Variants in ST3GAL4 observed in about 807,000 individuals in gnomAD.
ST3GAL4 encodes the protein ST3 beta-galactoside alpha-2,3-sialyltransferase 4.
ST3GAL4 carries 24 observed loss-of-function variants against 42.6 expected under a neutral mutation model. That is an observed-to-expected ratio of 0.56 (90% CI 0.41 to 0.79). The LOEUF is 0.79. ST3GAL4 is among the 30% of genes least tolerant of loss of function. ST3GAL4 has a pLI of 0.00. For missense variants in ST3GAL4, 311 were observed against 430.8 expected, an observed-to-expected ratio of 0.72 and a Z score of 2.46; for synonymous variants, 135 against 163.2, an observed-to-expected ratio of 0.83 and a Z score of 1.32.
intron 1 of ST3GAL4, among the ~76,000 whole-genome samples, chr11:126,404,602 G>T (rs564280684): frequency 6.6e-6 from 1 of 152,158 alleles, no homozygotes; most frequent in African/African-American, 2.4e-5. Flanking sequence ...GGTAAGGCAC[G>T]CCCCTTTCAG....
chr11:126,413,697 ACAGT>A (rs1393907907), intron 10 of ST3GAL4, 49 bp downstream of exon 10: 17 of 1,607,056 alleles, frequency 1.1e-5, no homozygotes, highest in Admixed American at 3.3e-5. Flanking sequence ...GGACGGGCAG[ACAGT>A]CAGAGGGGCA....
At chr11:126,362,802 T>G (rs1952292437) in intron 1 of ST3GAL4, among the ~76,000 whole-genome samples, 1 of 152,250 alleles carries the variant, frequency 6.6e-6, no homozygotes, top group Non-Finnish European at 1.5e-5. Context: ...AGCCTGGTGA[T>G]GGACAAACAA....
Position 126,363,811 on chromosome 11 carries a change from A to G in ST3GAL4, c.-61+7969A>G, listed in dbSNP as rs1215431460. The stretch of plus-strand genomic sequence containing the variant: ...TTGGCCAACACAGTTTTCTACTCTC[A>G]GACCCCATTGAGGTGAGCACACAAC... On this transcript the variant is annotated intron_variant, in intron 1 of 10. Transcript: ENST00000444328. The surrounding 1 kb of genome is among the most constrained non-coding windows in gnomAD (Gnocchi z 4.6). Among the ~76,000 whole-genome samples, 1 of 152,204 alleles carries G rather than the reference A, an allele frequency of 6.6e-6. No individual in the cohort carries two copies. Among genetic ancestry groups the G allele is most frequent in the African/African-American group, 2.4e-5 (1 of 41,450 alleles).
At chr11:126,367,691 G>A (rs868277748) in intron 1 of ST3GAL4, among the ~76,000 whole-genome samples, 1 of 152,256 alleles carries the variant, frequency 6.6e-6, no homozygotes, top group Middle Eastern at 3.4e-3. Flanking sequence ...TAGAGTGTAG[G>A]GATTAAAAGT....
chr11:126,374,324 T>C (rs1487084079), intron 1 of ST3GAL4, among the ~76,000 whole-genome samples: 1 of 151,812 alleles, frequency 6.6e-6, no homozygotes, highest in Non-Finnish European at 1.5e-5. Context: ...TGGTGGTGCA[T>C]GCCTGAAATC....
Position 126,397,692 on chromosome 11 carries a change from A to G in ST3GAL4, c.-60-8404A>G, listed in dbSNP as rs920421967. Among the ~76,000 whole-genome samples the G allele has an allele frequency of 6.6e-6, 1 of 152,204 alleles. No individual in the cohort carries two copies. The highest frequency in any genetic ancestry group is 1.5e-5 in the Non-Finnish European group (1 of 68,044). The stretch of plus-strand genomic sequence containing the variant: ...AAGTTTATTTGGCTCACAGTTCTGG[A>G]GGCTCGGATGTCCAAGATCTAGAGG... On this transcript the variant is annotated intron_variant, in intron 1 of 10. Coordinates refer to ENST00000444328, the MANE Select transcript of ST3GAL4 (RefSeq NM_001254757.2). This position sits in a 1 kb window ranked among gnomAD's most constrained non-coding sequence, Gnocchi z 5.0.
intron 1 of ST3GAL4, among the ~76,000 whole-genome samples, chr11:126,404,602 G>A (rs564280684): frequency 1.3e-5 from 2 of 152,276 alleles, no homozygotes; most frequent in African/African-American, 2.4e-5. Context: ...GGTAAGGCAC[G>A]CCCCTTTCAG....
At chr11:126,372,174 G>A (rs1001358188) in intron 1 of ST3GAL4, among the ~76,000 whole-genome samples, 3 of 152,048 alleles carry the variant, frequency 2.0e-5, no homozygotes, top group Admixed American at 1.3e-4. Flanking sequence ...AAATCTTTTC[G>A]TCTCGTCAAA....
chr11:126,406,765 T>C lies in ST3GAL4; in HGVS notation c.102-178T>C. 1.1e-6 allele frequency: 1 copy of C among 928,016 alleles called. No individual in the cohort carries two copies. Among genetic ancestry groups the C allele is most frequent in the Non-Finnish European group, 1.6e-6 (1 of 617,318 alleles). The allele number at this position is 928,016 out of a possible 1,614,324, so 57.5% of individuals were successfully genotyped here. A position where few individuals can be genotyped will look rare whatever the true frequency, so the allele number is the denominator to read the frequency against. On this transcript the variant is annotated intron_variant, in intron 3 of 10. Transcript: ENST00000444328. The surrounding 1 kb of genome is among the most constrained non-coding windows in gnomAD (Gnocchi z 5.4). ...TCTCACTGGGCCCTCACCCAGGGAG[T>C]GCAGGGGCAGGAAGACCTGGATCCT...
intron 1 of ST3GAL4, among the ~76,000 whole-genome samples, chr11:126,374,563 A>G (rs1027097636): frequency 1.3e-5 from 2 of 152,088 alleles, no homozygotes; most frequent in Non-Finnish European, 2.9e-5. Context: ...CGAAAGTACA[A>G]AGCCTCAGAG....
intron 1 of ST3GAL4, among the ~76,000 whole-genome samples, chr11:126,372,893 G>C (rs1952709721): frequency 6.6e-6 from 1 of 152,194 alleles, no homozygotes; most frequent in African/African-American, 2.4e-5. Context: ...ATGAACATGG[G>C]TGTACAAATA....
rs1954404434 is a variant in ST3GAL4 at position 126,409,101 on chromosome 11, G to A, written c.628-167G>A. On this transcript the variant is annotated intron_variant, in intron 8 of 10. Transcript: ENST00000444328. The surrounding 1 kb of genome is among the most constrained non-coding windows in gnomAD (Gnocchi z 4.9). ...CCTCTCTTTCCCTGGTCCTCTCCTGGTCTCCCATCTGTGGCACAGACTTCA... is the reference window on the plus strand; with the variant it reads ...CCTCTCTTTCCCTGGTCCTCTCCTGATCTCCCATCTGTGGCACAGACTTCA... 6.6e-6 allele frequency among the ~76,000 whole-genome samples: 1 copy of A among 152,078 alleles called. No homozygotes were observed. Among genetic ancestry groups the A allele is most frequent in the African/African-American group, 2.4e-5 (1 of 41,410 alleles).
intron 1 of ST3GAL4, among the ~76,000 whole-genome samples, chr11:126,387,339 T>C (rs1314659053): frequency 1.3e-5 from 2 of 152,194 alleles, no homozygotes; most frequent in African/African-American, 4.8e-5. Context: ...CCTCCTTTTT[T>C]TAAATCAAAT....
rs1426806540 is a variant in ST3GAL4 at position 126,400,851 on chromosome 11, C to G, written c.-60-5245C>G. Among the ~76,000 whole-genome samples the G allele has an allele frequency of 6.6e-6, 1 of 152,188 alleles. No individual in the cohort carries two copies. Among genetic ancestry groups the G allele is most frequent in the Non-Finnish European group, 1.5e-5 (1 of 68,044 alleles). On this transcript the variant is annotated intron_variant, in intron 1 of 10. Coordinates refer to ENST00000444328, the MANE Select transcript of ST3GAL4 (RefSeq NM_001254757.2). The surrounding 1 kb of genome is among the most constrained non-coding windows in gnomAD (Gnocchi z 4.6). ...GAGTCTAGACAATGTGACCTTCACACTGGGGCTGAGTTTTGTAAAATCCGA... is the reference window on the plus strand; with the variant it reads ...GAGTCTAGACAATGTGACCTTCACAGTGGGGCTGAGTTTTGTAAAATCCGA...
intron 1 of ST3GAL4, among the ~76,000 whole-genome samples, chr11:126,357,684 G>A (rs759072944): frequency 6.6e-6 from 1 of 152,198 alleles, no homozygotes; most frequent in Non-Finnish European, 1.5e-5. Context: ...TTCCCCAGCA[G>A]GAGCAGAGAG....
intron 1 of ST3GAL4, among the ~76,000 whole-genome samples, chr11:126,362,930 C>G (rs1952296900): frequency 6.6e-6 from 1 of 152,232 alleles, no homozygotes; most frequent in Non-Finnish European, 1.5e-5. Flanking sequence ...CCTCTCTCCC[C>G]ACAGGCAGGG....
At chr11:126,401,799 A>G (rs747780629) in intron 1 of ST3GAL4, among the ~76,000 whole-genome samples, 91 of 152,200 alleles carry the variant, frequency 6.0e-4, no homozygotes, top group Non-Finnish European at 1.3e-3. Context: ...AATAAAAACA[A>G]GAGTGGAGGG....
In ST3GAL4 at chr11:126,397,318, A is replaced by G. The variant is rs1052714571; in HGVS notation, c.-60-8778A>G. The stretch of plus-strand genomic sequence containing the variant: ...ACAGAATGATATAACACAAAGTTAC[A>G]TTGTACCATAAAGCATATTCTATAG... On this transcript the variant is annotated intron_variant, in intron 1 of 10. Transcript: ENST00000444328. This position sits in a 1 kb window ranked among gnomAD's most constrained non-coding sequence, Gnocchi z 5.0. Among the ~76,000 whole-genome samples, 1 of 152,156 alleles carries G rather than the reference A, an allele frequency of 6.6e-6. No individual in the cohort carries two copies. The highest frequency in any genetic ancestry group is 2.4e-5 in the African/African-American group (1 of 41,380).
rs143878003 is a variant in ST3GAL4 at position 126,408,402 on chromosome 11, A to G, written c.533A>G (p.Lys178Arg). 4.2e-4 allele frequency: 670 copies of G among 1,614,182 alleles called. 1 individual carries two copies. In the African/African-American group the frequency reaches 5.3e-3, roughly 13 times the overall value. Reference protein sequence around the residue: ...FYPESAHFDPKVENNPDTLLV... With the variant: ...FYPESAHFDPRVENNPDTLLV... ...CCTGAATCTGCCCACTTCGACCCCA[A>G]AGTAGAAAACAACCCAGACACACTC... Residue 178 changes from lysine (K) to arginine (R), a missense_variant, in exon 8 of 11, where the codon AAA becomes AGA. Transcript: ENST00000444328.
Sources: allele counts gnomAD v4.1 joint callset (sites outside exome capture counted in the v4.1 genomes callset), GRCh38; gene constraint gnomAD v4.1.1; non-coding constraint Gnocchi (gnomAD v3.1); transcripts MANE v1.5; gene names NCBI Gene and HGNC (gene_info 2026-07-23, HGNC 2026-07-21).